GPC6: variants seen among roughly 807,000 people sequenced by gnomAD.
The protein encoded by GPC6 is glypican-6.
Under a neutral mutation model 55.2 loss-of-function variants are expected in GPC6, and 14 were observed. The ratio of observed to expected loss-of-function variants is 0.25; its 90% CI spans 0.17 to 0.40. GPC6 has a LOEUF of 0.40. GPC6 is among the 10% of genes least tolerant of loss of function. The pLI is 1.00. For synonymous variants in GPC6, 278 were observed against 259.6 expected (o/e 1.07, Z -0.68); for missense variants, 641 against 708.5 (o/e 0.90, Z 1.08).
chr13:93,694,109 A>G lies in GPC6; in HGVS notation c.320-136045A>G, dbSNP rs1285658648. On this transcript the variant is annotated intron_variant, in intron 2 of 8. Transcript: ENST00000377047. Reference sequence around the variant, plus strand: ...AACAGCAACACATCTGATTTTTCCAATTCTCTCTCCCCCTCTCTTGCTCTT... The same window carrying G: ...AACAGCAACACATCTGATTTTTCCAGTTCTCTCTCCCCCTCTCTTGCTCTT... 4.6e-5 allele frequency among the ~76,000 whole-genome samples: 7 copies of G among 152,312 alleles called. No individual in the cohort carries two copies. In the East Asian group the frequency reaches 1.4e-3, roughly 29 times the overall value.
intron 4 of GPC6, among the ~76,000 whole-genome samples, chr13:94,221,423 A>G (rs1355880265): frequency 6.6e-6 from 1 of 152,156 alleles, no homozygotes; most frequent in Non-Finnish European, 1.5e-5. Flanking sequence ...GAGGGAAAAA[A>G]GCATCTCTAA....
At chr13:93,929,458 T>TG (rs1266102310) in intron 3 of GPC6, among the ~76,000 whole-genome samples, 1 of 152,230 alleles carries the variant, frequency 6.6e-6, no homozygotes, top group Non-Finnish European at 1.5e-5. Context: ...ATGTGAATTT[T>TG]TAAAAAATCT....
intron 2 of GPC6, among the ~76,000 whole-genome samples, chr13:93,709,192 C>T (rs1370918785): frequency 4.6e-5 from 7 of 151,794 alleles, no homozygotes; most frequent in Admixed American, 4.6e-4. Flanking sequence ...AGGTGGATAT[C>T]AATCTAGCCT....
At chr13:93,775,549 A>G (rs553128266) in intron 2 of GPC6, among the ~76,000 whole-genome samples, 3 of 152,210 alleles carry the variant, frequency 2.0e-5, no homozygotes, top group South Asian at 4.1e-4. Flanking sequence ...TACAAAAGAG[A>G]TGAGGCTGAG....
At chr13:94,014,087 A>T (rs190842625) in intron 3 of GPC6, among the ~76,000 whole-genome samples, 31 of 152,232 alleles carry the variant, frequency 2.0e-4, no homozygotes, top group African/African-American at 6.7e-4. Context: ...ACAATTCATA[A>T]TTGTTTCCTG....
intron 1 of GPC6, among the ~76,000 whole-genome samples, chr13:93,370,423 C>A (rs1881408452): frequency 6.6e-6 from 1 of 152,032 alleles, no homozygotes; most frequent in African/African-American, 2.4e-5. Flanking sequence ...TTGTTAGAAT[C>A]ATTGATTTAA....
At chr13:93,501,832 T>C (rs538220918) in intron 1 of GPC6, among the ~76,000 whole-genome samples, 1 of 152,262 alleles carries the variant, frequency 6.6e-6, no homozygotes, top group East Asian at 1.9e-4. Flanking sequence ...ATGTTTCATA[T>C]AAACCAGAAA....
intron 1 of GPC6, among the ~76,000 whole-genome samples, chr13:93,409,903 T>A (rs1394132986): frequency 6.6e-6 from 1 of 152,188 alleles, no homozygotes; most frequent in East Asian, 1.9e-4. Context: ...ATAAGAGTCA[T>A]TTGTTCATTT....
At position 93,788,335 on chromosome 13, in the gene GPC6, A is replaced by T. The variant is rs556793863; in HGVS notation, c.320-41819A>T. On this transcript the variant is annotated intron_variant, in intron 2 of 8. Transcript: ENST00000377047. ...TGAAGCCTCTTTTATAGGGGCCTTT[A>T]TCTTATTCACAAGAAAGGAGACCTC... 1.1e-4 allele frequency among the ~76,000 whole-genome samples: 16 copies of T among 152,230 alleles called. No homozygotes were observed. The East Asian group carries it at 2.9e-3, about 28-fold the overall frequency.
rs193023502 is a variant in GPC6, at chr13:94,362,444, A to C, written c.1153-19970A>C. 3.8e-4 allele frequency among the ~76,000 whole-genome samples: 58 copies of C among 152,328 alleles called. No individual in the cohort carries two copies. The East Asian group carries it at 9.1e-3, about 24-fold the overall frequency. ...ACCTTGGCTCTGGTAGACCTCATTA[A>C]AATAACAGCCTGTCAGTTTCAAGTT... is the stretch of plus-strand genomic sequence containing the variant. On this transcript the variant is annotated intron_variant, in intron 6 of 8. Coordinates refer to ENST00000377047, the MANE Select transcript of GPC6 (RefSeq NM_005708.5).
At chr13:93,459,619 G>A (rs571288130) in intron 1 of GPC6, among the ~76,000 whole-genome samples, 3 of 151,968 alleles carry the variant, frequency 2.0e-5, no homozygotes, top group Non-Finnish European at 4.4e-5. Context: ...GGGTCCCCGG[G>A]TATTCTAATC....
chr13:94,188,619 A>G (rs553929658), intron 4 of GPC6, among the ~76,000 whole-genome samples: 6 of 152,178 alleles, frequency 3.9e-5, no homozygotes, highest in African/African-American at 1.4e-4. Flanking sequence ...GACGGGAGCC[A>G]TGGTGGATGC....
At chr13:93,462,494 T>G (rs1015310133) in intron 1 of GPC6, among the ~76,000 whole-genome samples, 13 of 152,110 alleles carry the variant, frequency 8.5e-5, no homozygotes, top group African/African-American at 3.1e-4. Flanking sequence ...TTTAAAATTA[T>G]GTTTTTAAAA....
chr13:94,371,837 C>T (rs1386488517), intron 6 of GPC6, among the ~76,000 whole-genome samples: 1 of 152,334 alleles, frequency 6.6e-6, no homozygotes, highest in East Asian at 1.9e-4. Context: ...TGCAGTGACA[C>T]ATTATCCCTA....
At chr13:94,018,464 T>C (rs1158067085) in intron 3 of GPC6, among the ~76,000 whole-genome samples, 2 of 152,094 alleles carry the variant, frequency 1.3e-5, no homozygotes, top group East Asian at 3.9e-4. Flanking sequence ...TAATTGTTTT[T>C]GTTTTTAGTA....
At chr13:93,409,931 C>A (rs575506469) in intron 1 of GPC6, among the ~76,000 whole-genome samples, 1 of 152,266 alleles carries the variant, frequency 6.6e-6, no homozygotes, top group East Asian at 1.9e-4. Flanking sequence ...CTAGCCTATA[C>A]CTAGTTTGGT....
At chr13:93,357,242 A>G (rs1411488336) in intron 1 of GPC6, among the ~76,000 whole-genome samples, 2 of 152,324 alleles carry the variant, frequency 1.3e-5, no homozygotes, top group African/African-American at 2.4e-5. Context: ...GCTGCAGGTT[A>G]TGTTAGCTTA....
chr13:94,197,700 A>G (rs1594048192), intron 4 of GPC6, among the ~76,000 whole-genome samples: 1 of 152,134 alleles, frequency 6.6e-6, no homozygotes, highest in Admixed American at 6.6e-5. Flanking sequence ...CTTTAGGGGG[A>G]TACAATTCAG....
chr13:94,004,155 C>G (rs1881921629), intron 3 of GPC6, among the ~76,000 whole-genome samples: 1 of 152,046 alleles, frequency 6.6e-6, no homozygotes, highest in Non-Finnish European at 1.5e-5. Context: ...AGATTGAACC[C>G]TGATCTATTG....
Sources: gnomAD v4.1 joint callset for allele counts (sites outside exome capture counted in the v4.1 genomes callset) on GRCh38, gnomAD v4.1.1 for gene constraint, MANE v1.5 for transcripts, NCBI Gene and HGNC (gene_info 2026-07-23, HGNC 2026-07-21) for gene names.